Variants in NAALADL2 observed in about 807,000 individuals in gnomAD.
The protein encoded by NAALADL2 is N-acetylated alpha-linked acidic dipeptidase like 2.
A neutral mutation model predicts 87.2 loss-of-function variants in NAALADL2; 76 were observed. The observed-to-expected ratio is 0.87, with a 90% CI of 0.72 to 1.05. The LOEUF is 1.05. NAALADL2 is among the 50% of genes least tolerant of loss of function. The pLI is 0.00. For missense variants in NAALADL2, 1,089 were observed against 945.8 expected (o/e 1.15, Z -1.99); for synonymous variants, 354 against 331.0 (o/e 1.07, Z -0.75).
At chr3:175,661,945 C>T (rs566894678) in intron 11 of NAALADL2, among the ~76,000 whole-genome samples, 41 of 151,890 alleles carry the variant, frequency 2.7e-4, no homozygotes, top group African/African-American at 9.2e-4. Context: ...TAAACTTTGT[C>T]CTTTCTTCCC....
chr3:175,266,955 T>G (rs537384340), intron 4 of NAALADL2, among the ~76,000 whole-genome samples: 1 of 152,008 alleles, frequency 6.6e-6, no homozygotes, highest in African/African-American at 2.4e-5. Context: ...TGTCTTACAT[T>G]TTGGCTATTA....
At chr3:175,402,608 G>C (rs544588990) in intron 5 of NAALADL2, among the ~76,000 whole-genome samples, 1 of 152,076 alleles carries the variant, frequency 6.6e-6, no homozygotes, top group Admixed American at 6.6e-5. Context: ...ACTATACTAA[G>C]TATTTGTAGT....
intron 3 of NAALADL2, among the ~76,000 whole-genome samples, chr3:174,810,775 A>G (rs1013258072): frequency 6.6e-6 from 1 of 152,210 alleles, no homozygotes; most frequent in Non-Finnish European, 1.5e-5. Context: ...AAGGAAAGGA[A>G]GTGCTGATAC....
chr3:174,813,190 T>C (rs1720408798), intron 3 of NAALADL2, among the ~76,000 whole-genome samples: 1 of 152,140 alleles, frequency 6.6e-6, no homozygotes, highest in South Asian at 2.1e-4. Flanking sequence ...ATTCAATCTT[T>C]TGGCTTCCCT....
At chr3:175,627,512 G>T in intron 11 of NAALADL2, 126 bp downstream of exon 11, 4 of 606,920 alleles carry the variant, frequency 6.6e-6, no homozygotes, top group Non-Finnish European at 8.4e-6. Context: ...ATATAAGAAA[G>T]GATTTTAGTA....
At chr3:175,156,427 T>C (rs145360678) in intron 2 of NAALADL2, among the ~76,000 whole-genome samples, 442 of 152,266 alleles carry the variant, frequency 2.9e-3, no homozygotes, top group African/African-American at 9.3e-3. Flanking sequence ...GAATTCCTTA[T>C]GTGATCAATG....
chr3:175,018,564 G>A (rs1751156431), intron 1 of NAALADL2, among the ~76,000 whole-genome samples: 1 of 152,028 alleles, frequency 6.6e-6, no homozygotes, highest in South Asian at 2.1e-4. Flanking sequence ...CTGAAAATGA[G>A]GAGTTAGGCA....
chr3:174,668,474 G>A (rs1490182421), intron 2 of NAALADL2, among the ~76,000 whole-genome samples: 1 of 152,082 alleles, frequency 6.6e-6, no homozygotes, highest in Non-Finnish European at 1.5e-5. Context: ...ACAACGTGCA[G>A]GTTAGTTACA....
intron 11 of NAALADL2, among the ~76,000 whole-genome samples, chr3:175,727,183 C>G (rs961689319): frequency 6.6e-6 from 1 of 152,060 alleles, no homozygotes; most frequent in Non-Finnish European, 1.5e-5. Context: ...AAGGCATGCT[C>G]CAGGCTGCAA....
rs146244122 is a variant in NAALADL2, at chr3:174,882,538, T to C, written c.43+23088T>C. ...ATATGTGCATATACACATATATGCA[T>C]ACACACATATGTACATATGTGTATA... On this transcript the variant is annotated intron_variant, in intron 1 of 13. Transcript: ENST00000454872. Among the ~76,000 whole-genome samples, 1,123 of 150,766 alleles carry C rather than the reference T, an allele frequency of 7.4e-3. 17 individuals are homozygous for C. The highest frequency in any genetic ancestry group is 0.026 in the African/African-American group (1,063 of 41,132).
At chr3:175,582,367 T>C (rs1445353156) in intron 10 of NAALADL2, among the ~76,000 whole-genome samples, 1 of 152,232 alleles carries the variant, frequency 6.6e-6, no homozygotes, top group Non-Finnish European at 1.5e-5. Flanking sequence ...GAAATCTAAA[T>C]AAGAATATTT....
intron 1 of NAALADL2, among the ~76,000 whole-genome samples, chr3:174,530,911 A>G (rs1253860090): frequency 6.6e-6 from 1 of 152,244 alleles, no homozygotes; most frequent in African/African-American, 2.4e-5. Flanking sequence ...ATTGAAAGGA[A>G]CAATAATTCA....
At chr3:175,362,353 C>A (rs187703577) in intron 5 of NAALADL2, among the ~76,000 whole-genome samples, 2,277 of 147,934 alleles carry the variant, frequency 0.015, 181 homozygotes, top group African/African-American at 0.054. Context: ...AATGCGGGCT[C>A]TTTTTTGGTT....
At chr3:175,278,107 C>T (rs1392690479) in intron 4 of NAALADL2, among the ~76,000 whole-genome samples, 1 of 152,142 alleles carries the variant, frequency 6.6e-6, no homozygotes, top group Non-Finnish European at 1.5e-5. Context: ...GCCTGGGCGA[C>T]AAAGCGAGAC....
intron 11 of NAALADL2, among the ~76,000 whole-genome samples, chr3:175,646,299 A>G (rs542127572): frequency 6.6e-6 from 1 of 152,160 alleles, no homozygotes; most frequent in African/African-American, 2.4e-5. Flanking sequence ...TTTAAACAAT[A>G]AGAACATGTT....
At chr3:175,288,455 G>C (rs868250933) in intron 4 of NAALADL2, among the ~76,000 whole-genome samples, 35 of 152,144 alleles carry the variant, frequency 2.3e-4, no homozygotes, top group African/African-American at 8.2e-4. Context: ...CCAACACAAA[G>C]TATCCATCAT....
rs9874916 is a variant in NAALADL2 at position 175,458,151 on chromosome 3, G to C, written c.1235-5250G>C. ...ACTTTTCCTGTGCCAGCTGTTATCA[G>C]CCAATTCTCCAGACTCTAGGTCCTT... On this transcript the variant is annotated intron_variant, in intron 6 of 13. Transcript: ENST00000454872. Among the ~76,000 whole-genome samples the C allele has an allele frequency of 9.0e-3, 1,372 of 152,068 alleles. 27 individuals are homozygous for C. The highest frequency in any genetic ancestry group is 0.031 in the African/African-American group (1,296 of 41,466).
At chr3:175,534,604 C>A (rs1359725590) in intron 9 of NAALADL2, among the ~76,000 whole-genome samples, 3 of 151,786 alleles carry the variant, frequency 2.0e-5, no homozygotes, top group African/African-American at 4.8e-5. Flanking sequence ...CAGTTCCCAC[C>A]TTTATGCCAA....
chr3:174,631,170 G>T (rs979079831), intron 2 of NAALADL2, among the ~76,000 whole-genome samples: 1 of 152,072 alleles, frequency 6.6e-6, no homozygotes. Flanking sequence ...TTATTCCATA[G>T]ATCATAAAGA....
Sources: allele counts gnomAD v4.1 joint callset (sites outside exome capture counted in the v4.1 genomes callset), GRCh38; gene constraint gnomAD v4.1.1; transcripts MANE v1.5; gene names NCBI Gene and HGNC (gene_info 2026-07-23, HGNC 2026-07-21).